The following ERMP1 variants were observed in gnomAD, a reference collection of about 807,000 sequenced individuals.
ERMP1 encodes endoplasmic reticulum metallopeptidase 1, also known as Felix-ina.
ERMP1 carries 86 observed loss-of-function variants against 92.0 expected under a neutral mutation model. The observed-to-expected ratio is 0.93, with a 90% CI of 0.79 to 1.12. The LOEUF (loss-of-function observed/expected upper bound fraction) is 1.12, where lower values mean the gene tolerates loss of function less well. ERMP1 is among the 50% of genes most tolerant of loss of function. The probability of loss-of-function intolerance (pLI) is 0.00; values close to 1 mark genes in which losing one functional copy is unlikely to be tolerated. For synonymous variants in ERMP1, 530 were observed against 412.8 expected, an observed-to-expected ratio of 1.28 and a Z score of -3.44; for missense variants, 1,342 against 1,116.3, an observed-to-expected ratio of 1.20 and a Z score of -2.88.
rs114881444 is a variant in ERMP1 at position 5,791,165 on chromosome 9, T to A, written c.2387-3572A>T. On this transcript the variant is annotated intron_variant, in intron 13 of 14. Transcript: ENST00000339450. ...GCATTCTCCAGGGAAACCAACAGGA[T>A]GTGTACAGAGAGAAAGAGAGAGAGA... 248 of 454,934 alleles carry A rather than the reference T, an allele frequency of 5.5e-4. 3 individuals are homozygous for A. The highest frequency in any genetic ancestry group is 4.7e-3 in the African/African-American group (236 of 50,134). The allele number at this position is 454,934 out of a possible 1,614,324, so 28.2% of individuals were successfully genotyped here. A position where few individuals can be genotyped will look rare whatever the true frequency, so the allele number is the denominator to read the frequency against.
intron 5 of ERMP1, among the ~76,000 whole-genome samples, chr9:5,861,170 GGTGTGTGT>G (rs35593711): frequency 5.9e-3 from 601 of 102,122 alleles, no homozygotes; most frequent in Non-Finnish European, 8.0e-3. Flanking sequence ...TGGCTTAGGG[GGTGTGTGT>G]GTGTGTGTGT....
intron 8 of ERMP1, among the ~76,000 whole-genome samples, chr9:5,806,493 T>C (rs943911276): frequency 6.6e-6 from 1 of 151,772 alleles, no homozygotes; most frequent in Admixed American, 6.6e-5. Context: ...AGTGGTGCGA[T>C]CTCGGCCCAC....
At chr9:5,821,294 G>A (rs1373820757) in intron 4 of ERMP1, among the ~76,000 whole-genome samples, 5 of 152,122 alleles carry the variant, frequency 3.3e-5, no homozygotes, top group African/African-American at 1.2e-4. Flanking sequence ...TTAAACTGTT[G>A]TTTTACCTTT....
intron 5 of ERMP1, among the ~76,000 whole-genome samples, chr9:5,862,082 C>T (rs1033671618): frequency 7.2e-5 from 11 of 152,014 alleles, no homozygotes; most frequent in African/African-American, 9.7e-5. Context: ...CCAGCTGGAG[C>T]GCAGTGACAC....
At chr9:5,791,512 T>TG (rs1337207196) in intron 13 of ERMP1, among the ~76,000 whole-genome samples, 3 of 152,196 alleles carry the variant, frequency 2.0e-5, no homozygotes, top group Non-Finnish European at 4.4e-5. Context: ...ACCAGATACC[T>TG]GGGTGCTGTG....
chr9:5,839,890 CT>C (rs1484979349), intron 6 of ERMP1, among the ~76,000 whole-genome samples: 1 of 152,136 alleles, frequency 6.6e-6, no homozygotes, highest in Non-Finnish European at 1.5e-5. Flanking sequence ...TGAGGACTTG[CT>C]AAAAAAATCA....
intron 5 of ERMP1, among the ~76,000 whole-genome samples, chr9:5,866,759 TGTGGGAAGAGAGG>T (rs1231232398): frequency 6.6e-6 from 1 of 152,194 alleles, no homozygotes; most frequent in Non-Finnish European, 1.5e-5. Flanking sequence ...ATGACCCAGC[TGTGGGAAGAGAGG>T]GTGGGGATGG....
chr9:5,819,686 A>G (rs921745808), intron 4 of ERMP1, among the ~76,000 whole-genome samples: 2 of 152,226 alleles, frequency 1.3e-5, no homozygotes, highest in Non-Finnish European at 2.9e-5. Context: ...ACCCATTACT[A>G]AATACCATCT....
chr9:5,822,471 A>G (rs1056861522), intron 4 of ERMP1, among the ~76,000 whole-genome samples: 2 of 152,202 alleles, frequency 1.3e-5, no homozygotes, highest in South Asian at 4.1e-4. Context: ...TTGAAAGATA[A>G]AAGATTAAAA....
chr9:5,809,883 G>A, intron 8 of ERMP1, 128 bp downstream of exon 8: 1 of 641,006 alleles, frequency 1.6e-6, no homozygotes, highest in South Asian at 1.8e-5. Flanking sequence ...CAGTGTAGGT[G>A]CGTTTTCCAT....
chr9:5,850,995 C>A (rs1461803296), intron 6 of ERMP1, among the ~76,000 whole-genome samples: 1 of 152,178 alleles, frequency 6.6e-6, no homozygotes, highest in Non-Finnish European at 1.5e-5. Context: ...CCAGGAACTG[C>A]CCATGCCCTG....
intron 4 of ERMP1, among the ~76,000 whole-genome samples, chr9:5,814,308 C>T (rs1829221161): frequency 6.6e-6 from 1 of 152,100 alleles, no homozygotes; most frequent in African/African-American, 2.4e-5. Context: ...CTGTTGTAAA[C>T]CACCAAGATT....
At chr9:5,795,199 T>C (rs1358017815) in intron 13 of ERMP1, among the ~76,000 whole-genome samples, 1 of 152,150 alleles carries the variant, frequency 6.6e-6, no homozygotes, top group Admixed American at 6.6e-5. Context: ...CCAAGACCTA[T>C]TCATGATAAA....
rs564892361 is a variant in ERMP1 at position 5,861,607 on chromosome 9, C to A, written n.3056-1996G>T. ...TGCACAAGACAGGGCCTCTGGAAAC[C>A]TGGCAAGAGACGGAGATGGAAAGTA... On this transcript the variant is annotated intron_variant and non_coding_transcript_variant, in intron 5 of 6. Coordinates refer to the ERMP1 transcript ENST00000690753. Among the ~76,000 whole-genome samples, 36 of 151,890 alleles carry A rather than the reference C, an allele frequency of 2.4e-4. 1 individual carries two copies. The East Asian group carries it at 2.5e-3, about 11-fold the overall frequency.
intron 9 of ERMP1, 22 bp from the exon 10 acceptor site, chr9:5,805,239 G>A: frequency 6.4e-7 from 1 of 1,566,566 alleles, no homozygotes. Flanking sequence ...GAGAAAAAAA[G>A]CACACATCTA....
intron 6 of ERMP1, among the ~76,000 whole-genome samples, chr9:5,843,977 C>T (rs1041487198): frequency 6.6e-6 from 1 of 152,140 alleles, no homozygotes; most frequent in Non-Finnish European, 1.5e-5. Flanking sequence ...AGCACTCCTC[C>T]ACCCCCTGGC....
intron 12 of ERMP1, among the ~76,000 whole-genome samples, 183 bp from the exon 13 acceptor site, chr9:5,798,115 G>C (rs1655938043): frequency 6.6e-6 from 1 of 152,108 alleles, no homozygotes; most frequent in African/African-American, 2.4e-5. Flanking sequence ...CCAATGTTAA[G>C]AACAAAGGAG....
At chr9:5,841,153 A>C (rs1830158068) in intron 6 of ERMP1, among the ~76,000 whole-genome samples, 1 of 152,206 alleles carries the variant, frequency 6.6e-6, no homozygotes, top group African/African-American at 2.4e-5. Context: ...TCTCATCTCA[A>C]GTCTTTAGTT....
In ERMP1 at chr9:5,830,802, T is replaced by A; in HGVS notation, c.565A>T (p.Lys189Ter). ...YYDNITNVVVKLEPRDGAQHA... is the reference protein window; with the variant it reads ...YYDNITNVVV ...TGGGCTCCATCTCTGGGTTCCAGCTTTACCACAACATTGGTGATGTTGTCA... is the reference window on the plus strand; with the variant it reads ...TGGGCTCCATCTCTGGGTTCCAGCTATACCACAACATTGGTGATGTTGTCA... Residue 189 changes from lysine to a stop codon, truncating the protein, a stop_gained, in exon 2 of 15, where the codon AAG becomes TAG. Transcript: ENST00000339450. LOFTEE classifies it high-confidence loss of function. 6.2e-7 allele frequency: 1 copy of A among 1,614,182 alleles called. No individual in the cohort carries two copies. The highest frequency in any genetic ancestry group is 8.5e-7 in the Non-Finnish European group (1 of 1,180,036).
Sources: gnomAD v4.1 joint callset for allele counts (sites outside exome capture counted in the v4.1 genomes callset) on GRCh38, gnomAD v4.1.1 for gene constraint, MANE v1.5 for transcripts, NCBI Gene and HGNC (gene_info 2026-07-23, HGNC 2026-07-21) for gene names.